CES5A: variants seen among roughly 807,000 people sequenced by gnomAD.
The protein encoded by CES5A is carboxylesterase 5.
Under a neutral mutation model 62.9 loss-of-function variants are expected in CES5A, and 67 were observed. That is an observed-to-expected ratio of 1.07 (90% CI 0.88 to 1.31). The LOEUF is 1.31. CES5A is among the 50% of genes most tolerant of loss of function. The pLI, the probability that CES5A is intolerant of heterozygous loss-of-function variation, is 0.00. For synonymous variants in CES5A, 296 were observed against 280.8 expected, an observed-to-expected ratio of 1.05 and a Z score of -0.54; for missense variants, 748 against 708.5, an observed-to-expected ratio of 1.06 and a Z score of -0.63.
At chr16:55,863,207 G>A in intron 6 of CES5A, 141 bp downstream of exon 6, 1 of 648,178 alleles carries the variant, frequency 1.5e-6, no homozygotes, top group Non-Finnish European at 2.8e-6. Flanking sequence ...TTTCACGGAG[G>A]AACAAGGTTC....
chr16:55,856,893 G>T (rs559952153), intron 8 of CES5A, among the ~76,000 whole-genome samples: 2 of 152,190 alleles, frequency 1.3e-5, no homozygotes, highest in Non-Finnish European at 2.9e-5. Flanking sequence ...CACACAAAGC[G>T]GTATCAGCAC....
chr16:55,896,609 T>G (rs1165681893), intron 1 of CES5A, among the ~76,000 whole-genome samples: 1 of 152,118 alleles, frequency 6.6e-6, no homozygotes, highest in Non-Finnish European at 1.5e-5. Flanking sequence ...GGACACTGAG[T>G]GTTAGGGTGG....
intron 9 of CES5A, among the ~76,000 whole-genome samples, chr16:55,853,344 G>A (rs1284278276): frequency 6.6e-6 from 1 of 152,188 alleles, no homozygotes; most frequent in Non-Finnish European, 1.5e-5. Context: ...GGCAGAACTG[G>A]CTGCATCATC....
chr16:55,934,826 CCA>C (rs1418381111), intron 2 of CES5A, among the ~76,000 whole-genome samples: 7 of 152,222 alleles, frequency 4.6e-5, no homozygotes, highest in Admixed American at 2.6e-4. Flanking sequence ...ATGTGTAGCT[CCA>C]GTCTAAGCGC....
chr16:55,919,019 A>C (rs2034175009), intron 1 of CES5A, among the ~76,000 whole-genome samples: 1 of 152,190 alleles, frequency 6.6e-6, no homozygotes, highest in African/African-American at 2.4e-5. Context: ...GGCAGATTTC[A>C]TCCTGGAGCC....
chr16:55,951,103 C>CAAAAAA (rs55951124), intron 1 of CES5A, among the ~76,000 whole-genome samples: 16 of 44,378 alleles, frequency 3.6e-4, no homozygotes, highest in African/African-American at 1.7e-3. Context: ...GACTCCATCT[C>CAAAAAA]AAAAAAAAAA....
chr16:55,864,075 C>T (rs1331794628), intron 5 of CES5A, among the ~76,000 whole-genome samples: 16 of 152,178 alleles, frequency 1.1e-4, no homozygotes, highest in African/African-American at 3.6e-4. Context: ...AGTATCGGTT[C>T]ACTCCCCTGT....
At chr16:55,872,024 C>T (rs915486462) in intron 2 of CES5A, among the ~76,000 whole-genome samples, 18 of 152,164 alleles carry the variant, frequency 1.2e-4, no homozygotes, top group Admixed American at 2.0e-4. Context: ...CCCCACCACC[C>T]TCCCATGCCT....
At chr16:55,945,790 T>C (rs1479179080) in intron 2 of CES5A, among the ~76,000 whole-genome samples, 1 of 152,186 alleles carries the variant, frequency 6.6e-6, no homozygotes, top group Non-Finnish European at 1.5e-5. Context: ...CAGAAAACTC[T>C]TAGGACCAGG....
chr16:55,929,250 C>T (rs1002101863), upstream of CES5A, among the ~76,000 whole-genome samples: 7 of 152,244 alleles, frequency 4.6e-5, no homozygotes, highest in Non-Finnish European at 1.0e-4. Flanking sequence ...TCCCACTCTC[C>T]TGGTAAAATG....
chr16:55,907,153 G>A (rs2034047243), intron 1 of CES5A, among the ~76,000 whole-genome samples: 2 of 152,226 alleles, frequency 1.3e-5, no homozygotes, highest in African/African-American at 2.4e-5. Flanking sequence ...AAGGCCAAGT[G>A]ATTGAGAGCT....
chr16:55,908,425 A>G (rs2034060825), intron 1 of CES5A, among the ~76,000 whole-genome samples: 1 of 152,002 alleles, frequency 6.6e-6, no homozygotes, highest in Non-Finnish European at 1.5e-5. Flanking sequence ...AATGGTTGCA[A>G]TCTTGGCTCA....
intron 1 of CES5A, among the ~76,000 whole-genome samples, chr16:55,950,866 G>T (rs1242232494): frequency 6.6e-6 from 1 of 151,572 alleles, no homozygotes; most frequent in Non-Finnish European, 1.5e-5. Flanking sequence ...ACTTTGGAAG[G>T]CCAAGGCAGA....
rs2033449395 is a variant in CES5A at position 55,865,978 on chromosome 16, T to C, written c.690A>G (p.Ile230Met). ...VTIFGESAGA[I>M]SVSSLILSPM... ...GAGAACTCACAAGACTAGAAACACT[T>C]ATGGCTCCCGCGGACTCGCCAAAGA... is the stretch of plus-strand genomic sequence containing the variant. Residue 230 changes from isoleucine to methionine, a missense_variant, in exon 5 of 13, where the codon ATA becomes ATG. Coordinates refer to ENST00000290567, the MANE Select transcript of CES5A (RefSeq NM_001143685.2). 6.2e-7 allele frequency: 1 copy of C among 1,614,072 alleles called. No individual in the cohort carries two copies. Among genetic ancestry groups the C allele is most frequent in the Non-Finnish European group, 8.5e-7 (1 of 1,180,040 alleles).
At chr16:55,942,474 T>C (rs1199722038) in intron 2 of CES5A, among the ~76,000 whole-genome samples, 1 of 152,206 alleles carries the variant, frequency 6.6e-6, no homozygotes, top group East Asian at 1.9e-4. Context: ...TTAACATCAA[T>C]GCAAATTTTA....
At chr16:55,921,031 A>T (rs1296538867) in intron 1 of CES5A, among the ~76,000 whole-genome samples, 16 of 152,220 alleles carry the variant, frequency 1.1e-4, no homozygotes, top group African/African-American at 3.6e-4. Flanking sequence ...CAAAGGAAAG[A>T]TCAGTGAGCT....
chr16:55,935,523 A>G (rs2034364073), intron 2 of CES5A, among the ~76,000 whole-genome samples: 1 of 152,204 alleles, frequency 6.6e-6, no homozygotes, highest in African/African-American at 2.4e-5. Flanking sequence ...TCAAGTTGAC[A>G]CGTAAAATTA....
intron 2 of CES5A, among the ~76,000 whole-genome samples, chr16:55,935,761 C>G (rs551236458): frequency 6.6e-6 from 1 of 151,916 alleles, no homozygotes; most frequent in South Asian, 2.1e-4. Flanking sequence ...TCTATGAACT[C>G]TCCTGGTGAT....
chr16:55,913,004 A>T (rs957217409), intron 1 of CES5A, among the ~76,000 whole-genome samples: 20 of 152,186 alleles, frequency 1.3e-4, no homozygotes, highest in Non-Finnish European at 2.6e-4. Context: ...GACAGAGCAG[A>T]TTTATCAAGA....
Sources: allele counts gnomAD v4.1 joint callset (sites outside exome capture counted in the v4.1 genomes callset), GRCh38; gene constraint gnomAD v4.1.1; transcripts MANE v1.5; gene names NCBI Gene and HGNC (gene_info 2026-07-23, HGNC 2026-07-21).